The following GSPT1 variants were observed in gnomAD, a reference collection of about 807,000 sequenced individuals.
The protein encoded by GSPT1 is eukaryotic peptide chain release factor GTP-binding subunit ERF3A.
Under a neutral mutation model 72.5 loss-of-function variants are expected in GSPT1, and 20 were observed. The ratio of observed to expected loss-of-function variants is 0.28; its 90% CI spans 0.19 to 0.40. GSPT1 has a LOEUF of 0.40. Ranked by LOEUF, GSPT1 falls within the 10% of genes least tolerant of loss-of-function variation. GSPT1 has a pLI of 1.00. For synonymous variants in GSPT1, 334 were observed against 293.5 expected (o/e 1.14, Z -1.41); for missense variants, 580 against 811.9 (o/e 0.71, Z 3.47).
intron 1 of GSPT1, among the ~76,000 whole-genome samples, chr16:11,903,086 T>C (rs1303532558): frequency 1.3e-5 from 2 of 152,054 alleles, no homozygotes; most frequent in African/African-American, 2.4e-5. Flanking sequence ...TACTCTCTCC[T>C]AGCTTCTGGC....
rs916438833 is a variant in GSPT1 at position 11,869,997 on chromosome 16, G to C, written c.*3122C>G. 3 of 152,150 alleles carry C rather than the reference G, an allele frequency of 2.0e-5. No individual in the cohort carries two copies. The highest frequency in any genetic ancestry group is 7.2e-5 in the African/African-American group (3 of 41,424). 9.4% of individuals were successfully genotyped at this position (152,150 alleles called of 1,614,324 possible). A position where few individuals can be genotyped will look rare whatever the true frequency, so the allele number is the denominator to read the frequency against. On this transcript the variant is annotated 3_prime_UTR_variant, in exon 15 of 15. Transcript: ENST00000434724. ...TTCAAAGTCCCATATTGTGAGAGCA[G>C]TACTTGTAGTTTATGTAACCAGCAA...
chr16:11,876,286 A>G, intron 12 of GSPT1, 111 bp from the exon 13 acceptor site: 1 of 741,774 alleles, frequency 1.3e-6, no homozygotes, highest in South Asian at 1.6e-5. Context: ...TCACTAGGAC[A>G]TCAACTTAAG....
At position 11,868,530 on chromosome 16, in the gene GSPT1, G is replaced by GC. The variant is rs2053944203; in HGVS notation, c.*4588dup. On this transcript the variant is annotated 3_prime_UTR_variant, in exon 15 of 15. Transcript: ENST00000434724. ...TGTGAGTCCTTAAAATGTAGACCTT[G>GC]CAGGAGGCTTAGACCTCAGTTTCAC... The GC allele has an allele frequency of 6.6e-6, 1 of 152,146 alleles. No individual in the cohort carries two copies. Among genetic ancestry groups the GC allele is most frequent in the Non-Finnish European group, 1.5e-5 (1 of 68,052 alleles). The allele number at this position is 152,146 out of a possible 1,614,324, so 9.4% of individuals were successfully genotyped here.
chr16:11,897,853 A>T lies in GSPT1; in HGVS notation c.423T>A (p.Leu141=). 1 of 1,532,386 alleles carries T rather than the reference A, an allele frequency of 6.5e-7. No homozygotes were observed. The highest frequency in any genetic ancestry group is 8.9e-7 in the Non-Finnish European group (1 of 1,122,936). 94.9% of individuals were successfully genotyped at this position (1,532,386 alleles called of 1,614,324 possible). The part of the protein sequence containing the change: ...EGSNSAVSME[L]SEPIVENGET... ...AAATTTTCTTACCAATAGGTTCTGA[A>T]AGTTCCATGCTAACAGCTGAATTTG... The change falls in exon 3 of 15, where the codon CTT becomes CTA. Residue 141 remains leucine (L), a synonymous_variant. Coordinates refer to ENST00000434724, the MANE Select transcript of GSPT1 (RefSeq NM_002094.4).
chr16:11,906,133 G>T (rs1407367089), intron 1 of GSPT1, among the ~76,000 whole-genome samples: 1 of 151,846 alleles, frequency 6.6e-6, no homozygotes, highest in Non-Finnish European at 1.5e-5. Flanking sequence ...CCAGGCTGGA[G>T]TGCAGTGGCA....
chr16:11,915,657 T>C lies in GSPT1; in HGVS notation c.64A>G (p.Ser22Gly), dbSNP rs1205198103. 4.0e-6 allele frequency: 6 copies of C among 1,485,562 alleles called. No homozygotes were observed. The highest frequency in any genetic ancestry group is 5.3e-6 in the Non-Finnish European group (6 of 1,123,004). The allele number at this position is 1,485,562 out of a possible 1,614,324, so 92.0% of individuals were successfully genotyped here. Residue 22 changes from serine to glycine, a missense_variant, in exon 1 of 15, where the codon AGC becomes GGC. Physicochemically the swap from Ser to Gly is moderately conservative, Grantham distance 56. Transcript: ENST00000434724. ...CAGTCAGGCGCCGAGTCGCTGCTGC[T>C]GCTGCCGCTGCTGCTCCCGCCGCCG... ...GGGGGSSSGS[S>G]SSDSAPDCWD...
intron 1 of GSPT1, among the ~76,000 whole-genome samples, chr16:11,898,441 C>CTTTT (rs5815660): frequency 5.6e-5 from 6 of 107,058 alleles, no homozygotes; most frequent in African/African-American, 1.8e-4. Context: ...GTGATTAGCC[C>CTTTT]TTTTTTTTTT....
In GSPT1 at chr16:11,896,797, C is replaced by T. The variant is rs773538038; in HGVS notation, c.437-12G>A. 4.1e-6 allele frequency: 6 copies of T among 1,471,192 alleles called. No individual in the cohort carries two copies. The South Asian group carries it at 7.2e-5, about 18-fold the overall frequency. The allele number at this position is 1,471,192 out of a possible 1,614,324, so 91.1% of individuals were successfully genotyped here. On this transcript the variant is annotated splice_polypyrimidine_tract_variant and intron_variant, in intron 3 of 14. Transcript: ENST00000434724. ...CTCTCCATTTTCTACTGAAGAAAGA[C>T]ATTTTAACTTAGTATTCTGAAAAAG...
chr16:11,874,137 G>A (rs1371942270), intron 14 of GSPT1, among the ~76,000 whole-genome samples: 2 of 152,190 alleles, frequency 1.3e-5, no homozygotes, highest in African/African-American at 4.8e-5. Context: ...GGGTGATTAT[G>A]AACAGGTGTA....
At chr16:11,885,890 C>CA (rs1363501787) in intron 9 of GSPT1, among the ~76,000 whole-genome samples, 2 of 151,356 alleles carry the variant, frequency 1.3e-5, no homozygotes, top group Non-Finnish European at 2.9e-5. Context: ...AAACCTGTTT[C>CA]AAAAAAACAA....
rs1414589897 is a variant in GSPT1, at chr16:11,870,627, T to C, written c.*2492A>G. ...TAATGCCAAGTTCACCTTAGACATT[T>C]TATTTACTTATCCAAATGAACAGCC... On this transcript the variant is annotated 3_prime_UTR_variant, in exon 15 of 15. Coordinates refer to ENST00000434724, the MANE Select transcript of GSPT1 (RefSeq NM_002094.4). 1.3e-5 allele frequency: 2 copies of C among 152,226 alleles called. No individual in the cohort carries two copies. The highest frequency in any genetic ancestry group is 2.4e-5 in the African/African-American group (1 of 41,464). The allele number at this position is 152,226 out of a possible 1,614,324, so 9.4% of individuals were successfully genotyped here.
chr16:11,911,697 C>T (rs189666374), intron 1 of GSPT1, among the ~76,000 whole-genome samples: 83 of 151,568 alleles, frequency 5.5e-4, no homozygotes, highest in African/African-American at 1.9e-3. Context: ...GGACTACGGG[C>T]GCGCACCACC....
chr16:11,893,843 G>T lies in GSPT1; in HGVS notation c.698+1111C>A, dbSNP rs2054300588. On this transcript the variant is annotated intron_variant, in intron 5 of 14. Transcript: ENST00000434724. ...GTCTCTGTTGTGGAAATGTTCAAAA[G>T]TAACTGGCAAGATTACCAATGATGA... 2.0e-5 allele frequency among the ~76,000 whole-genome samples: 3 copies of T among 151,966 alleles called. No individual in the cohort carries two copies. The South Asian group carries it at 6.2e-4, about 32-fold the overall frequency.
chr16:11,887,068 C>T lies in GSPT1; in HGVS notation c.958-137G>A, dbSNP rs532874139. On this transcript the variant is annotated intron_variant, in intron 7 of 14. Transcript: ENST00000434724. Reference sequence around the variant, plus strand: ...GAAAATAGAAGCAAACGAGTTATGACGTACCTGCTTTTGAATGTCACAAAT... The same window carrying T: ...GAAAATAGAAGCAAACGAGTTATGATGTACCTGCTTTTGAATGTCACAAAT... The T allele has an allele frequency of 1.5e-4, 90 of 616,730 alleles. 1 individual carries two copies. The highest frequency in any genetic ancestry group is 1.4e-3 in the South Asian group (62 of 44,468). 38.2% of individuals were successfully genotyped at this position (616,730 alleles called of 1,614,324 possible).
In GSPT1 at chr16:11,886,864, G is replaced by C. The variant is rs2054191717; in HGVS notation, c.1025C>G (p.Ala342Gly). 6.2e-7 allele frequency: 1 copy of C among 1,612,670 alleles called. No individual in the cohort carries two copies. Among genetic ancestry groups the C allele is most frequent in the African/African-American group, 1.3e-5 (1 of 74,888 alleles). Residue 342 changes from alanine to glycine, a missense_variant, in exon 8 of 15, where the codon GCA becomes GGA. Transcript: ENST00000434724. Reference sequence around the variant, plus strand: ...TACACCTGCTGTCTTTGCCAACATTGCATGTTCTCTTGTCTGTCCTCCTTT... The same window carrying C: ...TACACCTGCTGTCTTTGCCAACATTCCATGTTCTCTTGTCTGTCCTCCTTT... Reference protein sequence around the residue: ...FEKGGQTREHAMLAKTAGVKH... With the variant: ...FEKGGQTREHGMLAKTAGVKH...
intron 1 of GSPT1, among the ~76,000 whole-genome samples, chr16:11,900,503 G>C (rs2054392818): frequency 6.6e-6 from 1 of 151,910 alleles, no homozygotes; most frequent in African/African-American, 2.4e-5. Context: ...CCGACTGCTA[G>C]CTCATTCCCA....
At chr16:11,880,394 A>G (rs1052270267) in intron 11 of GSPT1, 4 of 152,224 alleles carry the variant, frequency 2.6e-5, no homozygotes, top group East Asian at 3.8e-4. Context: ...AGGAACTGCT[A>G]TATTTTTTCA....
chr16:11,900,646 G>T (rs2054394626), intron 1 of GSPT1, among the ~76,000 whole-genome samples: 1 of 152,148 alleles, frequency 6.6e-6, no homozygotes, highest in African/African-American at 2.4e-5. Context: ...CTGAAAATCA[G>T]TGTACAAGTA....
At chr16:11,907,583 G>T (rs1280671738) in intron 1 of GSPT1, among the ~76,000 whole-genome samples, 1 of 150,686 alleles carries the variant, frequency 6.6e-6, no homozygotes, top group Non-Finnish European at 1.5e-5. Flanking sequence ...GCTAGTTGTA[G>T]TAATTAGCTC....
Sources: allele counts gnomAD v4.1 joint callset (sites outside exome capture counted in the v4.1 genomes callset), GRCh38; gene constraint gnomAD v4.1.1; transcripts MANE v1.5; gene names NCBI Gene and HGNC (gene_info 2026-07-23, HGNC 2026-07-21).